The following CHN2 variants were observed in gnomAD, a reference collection of about 807,000 sequenced individuals.
CHN2 encodes the protein beta-chimaerin.
A neutral mutation model predicts 56.3 loss-of-function variants in CHN2; 35 were observed. The observed-to-expected ratio is 0.62, with a 90% CI of 0.47 to 0.82. The LOEUF (loss-of-function observed/expected upper bound fraction) is 0.82. Ranked by LOEUF, CHN2 falls within the 40% of genes least tolerant of loss-of-function variation. CHN2 has a pLI of 0.00. For missense variants in CHN2, 491 were observed against 580.5 expected, an observed-to-expected ratio of 0.85 and a Z score of 1.58; for synonymous variants, 210 against 212.8, an observed-to-expected ratio of 0.99 and a Z score of 0.12.
chr7:29,439,187 T>C (rs190902049), intron 6 of CHN2, among the ~76,000 whole-genome samples: 2 of 152,336 alleles, frequency 1.3e-5, no homozygotes, highest in East Asian at 3.9e-4. Flanking sequence ...CAGTCTTGTG[T>C]CATGATATTG....
At chr7:29,248,130 T>C (rs997168654) in intron 1 of CHN2, among the ~76,000 whole-genome samples, 1 of 152,208 alleles carries the variant, frequency 6.6e-6, no homozygotes, top group African/African-American at 2.4e-5. Flanking sequence ...GATCTGACTG[T>C]GTTGCAGGTG....
intron 1 of CHN2, among the ~76,000 whole-genome samples, chr7:29,277,939 A>G (rs967229697): frequency 6.6e-6 from 1 of 152,150 alleles, no homozygotes. Context: ...AGGTGTTGTT[A>G]TTATCCCCAT....
At chr7:29,376,995 C>A (rs1315803882) in intron 3 of CHN2, among the ~76,000 whole-genome samples, 1 of 152,060 alleles carries the variant, frequency 6.6e-6, no homozygotes. Context: ...AAAGCTATTT[C>A]AAATTCAGGT....
At chr7:29,415,220 C>G (rs1242796592) in intron 6 of CHN2, among the ~76,000 whole-genome samples, 2 of 152,192 alleles carry the variant, frequency 1.3e-5, no homozygotes, top group Non-Finnish European at 2.9e-5. Context: ...TGGACTCTTT[C>G]TGCCTGGACT....
chr7:29,268,230 T>C (rs1282254092), intron 1 of CHN2, among the ~76,000 whole-genome samples: 1 of 151,096 alleles, frequency 6.6e-6, no homozygotes, highest in Non-Finnish European at 1.5e-5. Context: ...TGTTAGTTTA[T>C]CAGCCATTTC....
At chr7:29,329,887 C>T (rs1796092848) in intron 1 of CHN2, among the ~76,000 whole-genome samples, 1 of 152,162 alleles carries the variant, frequency 6.6e-6, no homozygotes, top group Non-Finnish European at 1.5e-5. Flanking sequence ...ATCTAGATGA[C>T]AGTTTTCTGT....
intron 2 of CHN2, among the ~76,000 whole-genome samples, chr7:29,163,764 A>T (rs1383901818): frequency 2.0e-5 from 3 of 152,210 alleles, no homozygotes; most frequent in African/African-American, 7.2e-5. Flanking sequence ...TTGCATTTTT[A>T]AAATTTTTAA....
chr7:29,433,708 A>C (rs1783013519), intron 6 of CHN2, among the ~76,000 whole-genome samples: 1 of 152,072 alleles, frequency 6.6e-6, no homozygotes, highest in African/African-American at 2.4e-5. Context: ...GTGTGGTGGC[A>C]CATGCCTGTA....
At chr7:29,277,467 C>T (rs764820560) in intron 1 of CHN2, among the ~76,000 whole-genome samples, 6 of 152,168 alleles carry the variant, frequency 3.9e-5, no homozygotes, top group Admixed American at 2.0e-4. Context: ...TCCACAGCCC[C>T]GGTATGTGAT....
intron 1 of CHN2, among the ~76,000 whole-genome samples, chr7:29,313,975 C>T (rs1056462255): frequency 1.3e-4 from 20 of 152,258 alleles, no homozygotes; most frequent in South Asian, 8.3e-4. Flanking sequence ...TTAAATCTCC[C>T]GTCCTTAGTG....
intron 1 of CHN2, among the ~76,000 whole-genome samples, chr7:29,204,246 AG>A (rs1200668100): frequency 7.5e-6 from 1 of 133,656 alleles, no homozygotes; most frequent in East Asian, 2.5e-4. Context: ...AGAAAGTGGA[AG>A]TGGATTAGGT....
chr7:29,230,998 A>G (rs1786655790), intron 1 of CHN2, among the ~76,000 whole-genome samples: 2 of 152,200 alleles, frequency 1.3e-5, no homozygotes, highest in South Asian at 4.1e-4. Context: ...TGGTACAGCA[A>G]GGTTTCTTGT....
chr7:29,357,247 A>G (rs1467690801), intron 2 of CHN2, among the ~76,000 whole-genome samples: 1 of 152,200 alleles, frequency 6.6e-6, no homozygotes, highest in Non-Finnish European at 1.5e-5. Flanking sequence ...CCTCTTTATT[A>G]TATCCAACTA....
At chr7:29,426,788 C>G (rs967154855) in intron 6 of CHN2, among the ~76,000 whole-genome samples, 1 of 152,196 alleles carries the variant, frequency 6.6e-6, no homozygotes. Context: ...CACTTCCAAT[C>G]TCATGCAAGT....
chr7:29,512,746 A>T lies in CHN2; in HGVS notation c.*11A>T. On this transcript the variant is annotated 3_prime_UTR_variant, in exon 13 of 13. Coordinates refer to ENST00000222792, the MANE Select transcript of CHN2 (RefSeq NM_004067.4). Reference sequence around the variant, plus strand: ...GACGTTTTATTCTAATCCATCAGGGAAATGAGCTGAATGGCCCCAGCACCA... The same window carrying T: ...GACGTTTTATTCTAATCCATCAGGGTAATGAGCTGAATGGCCCCAGCACCA... 1 of 1,613,274 alleles carries T rather than the reference A, an allele frequency of 6.2e-7. No individual in the cohort carries two copies. The highest frequency in any genetic ancestry group is 8.5e-7 in the Non-Finnish European group (1 of 1,179,606).
chr7:29,220,280 A>AAGAGAGAAAG, intron 1 of CHN2, among the ~76,000 whole-genome samples: 1 of 138,168 alleles, frequency 7.2e-6, no homozygotes, highest in Non-Finnish European at 1.5e-5. Context: ...AAAAAAAAAA[A>AAGAGAGAAAG]AGAGAGAGAG....
chr7:29,500,463 A>C (rs1317091939), intron 9 of CHN2, among the ~76,000 whole-genome samples: 1 of 152,062 alleles, frequency 6.6e-6, no homozygotes, highest in Non-Finnish European at 1.5e-5. Flanking sequence ...CCATCCTACA[A>C]AATTCTTTTA....
intron 1 of CHN2, among the ~76,000 whole-genome samples, chr7:29,324,223 A>G (rs557402742): frequency 6.6e-6 from 1 of 152,292 alleles, no homozygotes; most frequent in South Asian, 2.1e-4. Flanking sequence ...TTGCAGGAGT[A>G]GTTGAAGTTG....
At chr7:29,227,364 T>C (rs1172117548) in intron 1 of CHN2, among the ~76,000 whole-genome samples, 1 of 152,208 alleles carries the variant, frequency 6.6e-6, no homozygotes, top group African/African-American at 2.4e-5. Context: ...TGTTCCTTGT[T>C]CTAGAGGGAT....
Sources: gnomAD v4.1 joint callset for allele counts (sites outside exome capture counted in the v4.1 genomes callset) on GRCh38, gnomAD v4.1.1 for gene constraint, MANE v1.5 for transcripts, NCBI Gene and HGNC (gene_info 2026-07-23, HGNC 2026-07-21) for gene names.